The following NRG1 variants were observed in gnomAD, a reference collection of about 807,000 sequenced individuals.
NRG1 encodes pro-neuregulin-1, membrane-bound isoform.
In NRG1, 18 loss-of-function variants were observed where a neutral mutation model predicts 63.8. That is an observed-to-expected ratio of 0.28 (90% CI 0.19 to 0.42). The LOEUF is 0.42. Ranked by LOEUF, NRG1 falls within the 10% of genes least tolerant of loss-of-function variation. The pLI is 1.00. For synonymous variants in NRG1, 302 were observed against 301.3 expected, an observed-to-expected ratio of 1.00 and a Z score of -0.02; for missense variants, 762 against 814.7, an observed-to-expected ratio of 0.94 and a Z score of 0.79.
At chr8:32,599,004 T>C (rs1563738638) in intron 2 of NRG1, among the ~76,000 whole-genome samples, 1 of 152,102 alleles carries the variant, frequency 6.6e-6, no homozygotes, top group Non-Finnish European at 1.5e-5. Context: ...TGGTAATGAA[T>C]TGTTAAACTT....
chr8:32,656,703 A>G (rs148449894), intron 5 of NRG1, among the ~76,000 whole-genome samples: 19 of 152,320 alleles, frequency 1.2e-4, no homozygotes, highest in Middle Eastern at 3.4e-3. Context: ...CTAAATCAAT[A>G]CTGGAGCAAT....
chr8:32,071,248 G>A (rs1277965054), intron 1 of NRG1, among the ~76,000 whole-genome samples: 2 of 152,154 alleles, frequency 1.3e-5, no homozygotes, highest in African/African-American at 2.4e-5. Flanking sequence ...TCGATAGGAG[G>A]CTCTTATTAA....
chr8:31,871,296 A>C (rs1009162953), intron 1 of NRG1, among the ~76,000 whole-genome samples: 5 of 152,054 alleles, frequency 3.3e-5, no homozygotes, highest in Non-Finnish European at 5.9e-5. Flanking sequence ...TTGTCAAGAA[A>C]GCCAGACATT....
intron 1 of NRG1, among the ~76,000 whole-genome samples, chr8:32,155,300 G>T (rs73232239): frequency 2.0e-5 from 3 of 151,964 alleles, no homozygotes; most frequent in Non-Finnish European, 2.9e-5. Context: ...AGATCAAATG[G>T]TCTCTAAATT....
At chr8:31,944,113 C>T (rs557610102) in intron 1 of NRG1, among the ~76,000 whole-genome samples, 5 of 152,242 alleles carry the variant, frequency 3.3e-5, no homozygotes, top group African/African-American at 9.6e-5. Flanking sequence ...TACTTTTTCT[C>T]CTTTTTCTTT....
chr8:32,752,807 T>C (rs1302946900), intron 7 of NRG1, among the ~76,000 whole-genome samples: 1 of 151,974 alleles, frequency 6.6e-6, no homozygotes, highest in Non-Finnish European at 1.5e-5. Flanking sequence ...TCTAGTCCTT[T>C]ACCCACTGAC....
chr8:32,393,960 A>G (rs1812113780), intron 1 of NRG1, among the ~76,000 whole-genome samples: 1 of 152,164 alleles, frequency 6.6e-6, no homozygotes, highest in Non-Finnish European at 1.5e-5. Flanking sequence ...TCCTTCATCC[A>G]GCTATTTTAT....
chr8:31,998,242 T>G (rs1404619192), intron 1 of NRG1, among the ~76,000 whole-genome samples: 2 of 152,048 alleles, frequency 1.3e-5, no homozygotes, highest in Non-Finnish European at 2.9e-5. Context: ...GCCATAAAGA[T>G]ATAAGTCTTG....
rs1563246279 is a variant in NRG1 at position 31,640,730 on chromosome 8, G to GT, written c.37+1300dup. The stretch of plus-strand genomic sequence containing the variant: ...AGCCGGGTGCTGTGCAAGCGGTGCG[G>GT]TAAGTTCCTCGCCCTTGGGGGCGCG... On this transcript the variant is annotated intron_variant, in intron 1 of 10. Coordinates refer to the NRG1 transcript ENST00000519301. This position sits in a 1 kb window ranked among gnomAD's most constrained non-coding sequence, Gnocchi z 6.3. 6.4e-7 allele frequency: 1 copy of GT among 1,573,798 alleles called. No homozygotes were observed. The highest frequency in any genetic ancestry group is 8.6e-7 in the Non-Finnish European group (1 of 1,159,606).
At chr8:32,346,553 A>G (rs993306985) in intron 1 of NRG1, among the ~76,000 whole-genome samples, 42 of 34,656 alleles carry the variant, frequency 1.2e-3, no homozygotes, top group African/African-American at 2.7e-3. Context: ...ATCTTTTGGG[A>G]AAAAAAAAAA....
chr8:32,296,539 G>A (rs764020607), intron 1 of NRG1, among the ~76,000 whole-genome samples: 15 of 151,106 alleles, frequency 9.9e-5, no homozygotes, highest in Non-Finnish European at 1.5e-4. Context: ...GCTTAAACCT[G>A]GAAAGTGGAG....
At chr8:31,810,048 C>T (rs996646213) in intron 1 of NRG1, among the ~76,000 whole-genome samples, 4 of 152,066 alleles carry the variant, frequency 2.6e-5, no homozygotes, top group Non-Finnish European at 5.9e-5. Context: ...ACCCTTCACC[C>T]TGTAGCTCAT....
intron 1 of NRG1, among the ~76,000 whole-genome samples, chr8:31,979,299 C>T (rs1455698452): frequency 2.6e-5 from 4 of 152,138 alleles, no homozygotes; most frequent in Non-Finnish European, 5.9e-5. Flanking sequence ...ATGGCATTTT[C>T]TAACCATGTC....
chr8:32,535,806 A>G (rs1831907188), intron 1 of NRG1, among the ~76,000 whole-genome samples: 1 of 152,158 alleles, frequency 6.6e-6, no homozygotes. Flanking sequence ...TGTGCCTGGA[A>G]TGCACCTTGG....
At chr8:31,919,828 G>T (rs1237071214) in intron 1 of NRG1, among the ~76,000 whole-genome samples, 1 of 152,070 alleles carries the variant, frequency 6.6e-6, no homozygotes, top group Non-Finnish European at 1.5e-5. Flanking sequence ...TTAATACAAG[G>T]TGGGTCCGGG....
At chr8:31,704,853 A>ATTACT (rs1810986565) in intron 1 of NRG1, among the ~76,000 whole-genome samples, 1 of 148,108 alleles carries the variant, frequency 6.8e-6, no homozygotes. Flanking sequence ...AAAAAAAGAA[A>ATTACT]TTACTTACTA....
Position 32,309,438 on chromosome 8 carries a change from C to T in NRG1, c.38-286390C>T, listed in dbSNP as rs540012176. Among the ~76,000 whole-genome samples the T allele has an allele frequency of 7.9e-5, 12 of 152,228 alleles. 1 individual carries two copies. The highest frequency in any genetic ancestry group is 2.0e-4 in the Admixed American group (3 of 15,272). On this transcript the variant is annotated intron_variant, in intron 1 of 10. Coordinates refer to the NRG1 transcript ENST00000519301. ...TCATTGTCTAAAAAATATAAAAGCC[C>T]CTTCTTCAGACTTCACTGTCTTGTG...
At chr8:31,911,368 A>T (rs894932713) in intron 1 of NRG1, among the ~76,000 whole-genome samples, 1 of 152,226 alleles carries the variant, frequency 6.6e-6, no homozygotes, top group African/African-American at 2.4e-5. Flanking sequence ...GATAAAGAAA[A>T]TGTGGTACAT....
At chr8:32,366,514 C>T (rs1053979222) in intron 1 of NRG1, among the ~76,000 whole-genome samples, 8 of 151,736 alleles carry the variant, frequency 5.3e-5, no homozygotes, top group African/African-American at 1.7e-4. Flanking sequence ...CATGTTGATG[C>T]ATATAACAGA....
Sources: gnomAD v4.1 joint callset for allele counts (sites outside exome capture counted in the v4.1 genomes callset) on GRCh38, gnomAD v4.1.1 for gene constraint, Gnocchi (gnomAD v3.1) non-coding constraint, MANE v1.5 for transcripts, NCBI Gene and HGNC (gene_info 2026-07-23, HGNC 2026-07-21) for gene names.